HS3ST4: variants seen among roughly 807,000 people sequenced by gnomAD.
HS3ST4 encodes the protein heparan sulfate-glucosamine 3-sulfotransferase 4.
A neutral mutation model predicts 29.2 loss-of-function variants in HS3ST4; 17 were observed. The ratio of observed to expected loss-of-function variants is 0.58; its 90% CI spans 0.40 to 0.87. The LOEUF is 0.87. Ranked by LOEUF, HS3ST4 falls within the 40% of genes least tolerant of loss-of-function variation. The pLI is 0.00. For synonymous variants in HS3ST4, 314 were observed against 285.7 expected (o/e 1.10, Z -1.00); for missense variants, 627 against 634.5 (o/e 0.99, Z 0.13).
chr16:26,118,802 G>T (rs954377091), intron 1 of HS3ST4, among the ~76,000 whole-genome samples: 1 of 152,156 alleles, frequency 6.6e-6, no homozygotes, highest in African/African-American at 2.4e-5. Flanking sequence ...GAGAAGGCCG[G>T]TGTTGCTGGG....
At chr16:25,955,384 T>A (rs1254681550) in intron 1 of HS3ST4, among the ~76,000 whole-genome samples, 1 of 152,200 alleles carries the variant, frequency 6.6e-6, no homozygotes, top group Non-Finnish European at 1.5e-5. Flanking sequence ...GAGTTTCTAA[T>A]CCACAATTGG....
At chr16:25,957,672 G>A (rs1968750316) in intron 1 of HS3ST4, among the ~76,000 whole-genome samples, 1 of 152,124 alleles carries the variant, frequency 6.6e-6, no homozygotes, top group Admixed American at 6.5e-5. Flanking sequence ...GCCCGCCTCG[G>A]CCTCCCAAAG....
At chr16:25,993,710 C>T (rs1331673013) in intron 1 of HS3ST4, among the ~76,000 whole-genome samples, 1 of 151,834 alleles carries the variant, frequency 6.6e-6, no homozygotes, top group Non-Finnish European at 1.5e-5. Flanking sequence ...ATGCTATGCA[C>T]TCGATAAATG....
intron 1 of HS3ST4, among the ~76,000 whole-genome samples, chr16:25,737,460 G>T (rs1185785812): frequency 6.6e-6 from 1 of 152,154 alleles, no homozygotes; most frequent in Non-Finnish European, 1.5e-5. Context: ...TAAAATTGGA[G>T]GCCATGATTT....
chr16:26,103,404 G>T (rs574560927), intron 1 of HS3ST4, among the ~76,000 whole-genome samples: 1 of 152,198 alleles, frequency 6.6e-6, no homozygotes, highest in South Asian at 2.1e-4. Context: ...CTTCTCTAGG[G>T]AAGGAAACAA....
At chr16:26,051,910 C>CT (rs1173860310) in intron 1 of HS3ST4, among the ~76,000 whole-genome samples, 170 of 132,130 alleles carry the variant, frequency 1.3e-3, no homozygotes, top group African/African-American at 5.1e-3. Context: ...CCCTCCCTCC[C>CT]TCCCTTCCTT....
chr16:26,023,299 A>T (rs759844860), intron 1 of HS3ST4, among the ~76,000 whole-genome samples: 12 of 150,904 alleles, frequency 8.0e-5, no homozygotes, highest in East Asian at 3.9e-4. Flanking sequence ...TATGTTTTAT[A>T]TATATATATA....
At chr16:25,838,262 G>A (rs1440898726) in intron 1 of HS3ST4, among the ~76,000 whole-genome samples, 3 of 152,204 alleles carry the variant, frequency 2.0e-5, no homozygotes, top group Non-Finnish European at 4.4e-5. Flanking sequence ...GCTTTAGTGG[G>A]ACTACAGTGC....
intron 1 of HS3ST4, among the ~76,000 whole-genome samples, chr16:25,822,825 C>T (rs1967174824): frequency 6.6e-6 from 1 of 152,100 alleles, no homozygotes; most frequent in Non-Finnish European, 1.5e-5. Context: ...GCAACCTCCA[C>T]CTCCCAGGTT....
intron 1 of HS3ST4, among the ~76,000 whole-genome samples, chr16:26,069,839 C>G (rs1413380423): frequency 9.2e-5 from 14 of 151,674 alleles, no homozygotes; most frequent in Non-Finnish European, 1.9e-4. Context: ...AGTTTGCTGA[C>G]AATGATGGTT....
intron 1 of HS3ST4, among the ~76,000 whole-genome samples, chr16:25,997,965 G>T (rs765710282): frequency 1.3e-5 from 2 of 152,172 alleles, no homozygotes; most frequent in East Asian, 1.9e-4. Flanking sequence ...GCCAGGCATG[G>T]TGATTCATGC....
chr16:26,134,362 C>CTTTTCTTTTT (rs750289979), intron 1 of HS3ST4, among the ~76,000 whole-genome samples: 16 of 76,804 alleles, frequency 2.1e-4, no homozygotes, highest in African/African-American at 6.6e-4. Context: ...CTTTTCTTTT[C>CTTTTCTTTTT]TTTTTTTTTT....
At chr16:26,044,111 T>C (rs529171240) in intron 1 of HS3ST4, among the ~76,000 whole-genome samples, 3 of 152,332 alleles carry the variant, frequency 2.0e-5, no homozygotes, top group Non-Finnish European at 2.9e-5. Flanking sequence ...GGTCTCAGAA[T>C]TTTCTGCTTT....
rs146690007 is a variant in HS3ST4, at chr16:25,908,726, G to A, written c.734+215575G>A. On this transcript the variant is annotated intron_variant, in intron 1 of 1. Coordinates refer to ENST00000331351, the MANE Select transcript of HS3ST4 (RefSeq NM_006040.3). ...TGAAACAATGTTCAATGGCAAGAGC[G>A]TGTTATCAGTTCAATGTCAGGAATC... Among the ~76,000 whole-genome samples, 26 of 152,328 alleles carry A rather than the reference G, an allele frequency of 1.7e-4. No homozygotes were observed. In the East Asian group the frequency reaches 4.8e-3, roughly 28 times the overall value.
chr16:25,800,100 TCCTTCCTGCCTTCCTG>T (rs150371566), intron 1 of HS3ST4, among the ~76,000 whole-genome samples: 2 of 149,598 alleles, frequency 1.3e-5, no homozygotes, highest in African/African-American at 2.5e-5. Flanking sequence ...CTGCCTTCCT[TCCTTCCTGCCTTCCTG>T]CCTTCCTGCC....
intron 1 of HS3ST4, among the ~76,000 whole-genome samples, chr16:25,897,604 G>A (rs1968080891): frequency 6.6e-6 from 1 of 152,122 alleles, no homozygotes; most frequent in South Asian, 2.1e-4. Context: ...CCTCTTTACA[G>A]AACTGTGATA....
Position 25,749,070 on chromosome 16 carries a change from A to G in HS3ST4, c.734+55919A>G, listed in dbSNP as rs1050259369. Among the ~76,000 whole-genome samples, 15 of 152,242 alleles carry G rather than the reference A, an allele frequency of 9.9e-5. 2 individuals are homozygous for G. The highest frequency in any genetic ancestry group is 7.9e-4 in the Admixed American group (12 of 15,276). ...CTTGGTATTTCCCAAGTGTGTGTCT[A>G]TTAATTATCAGACTCTTAAATAATA... On this transcript the variant is annotated intron_variant, in intron 1 of 1. Transcript: ENST00000331351.
At chr16:25,891,103 G>A (rs144048247) in intron 1 of HS3ST4, among the ~76,000 whole-genome samples, 13 of 152,296 alleles carry the variant, frequency 8.5e-5, no homozygotes, top group Middle Eastern at 3.4e-3. Context: ...GAGGTTGGCT[G>A]TGGGCACTCA....
chr16:25,819,872 A>T (rs899568492), intron 1 of HS3ST4, among the ~76,000 whole-genome samples: 47 of 151,424 alleles, frequency 3.1e-4, no homozygotes, highest in African/African-American at 1.0e-3. Flanking sequence ...TTATCCGGGA[A>T]TGGTGGTGGG....
Sources: gnomAD v4.1 joint callset for allele counts (sites outside exome capture counted in the v4.1 genomes callset) on GRCh38, gnomAD v4.1.1 for gene constraint, MANE v1.5 for transcripts, NCBI Gene and HGNC (gene_info 2026-07-23, HGNC 2026-07-21) for gene names.